The following RBAK variants were observed in gnomAD, a reference collection of about 807,000 sequenced individuals.
RBAK encodes RB-associated KRAB zinc finger protein.
Under a neutral mutation model 65.8 loss-of-function variants are expected in RBAK, and 39 were observed. The observed-to-expected ratio is 0.59, with a 90% CI of 0.46 to 0.77. RBAK has a LOEUF of 0.77. Among genes scored for constraint, RBAK ranks in the 30% least tolerant of loss-of-function variants. The probability of loss-of-function intolerance (pLI) is 0.00; values close to 1 mark genes in which losing one functional copy is unlikely to be tolerated. For missense variants in RBAK, 884 were observed against 855.1 expected, an observed-to-expected ratio of 1.03 and a Z score of -0.42; for synonymous variants, 343 against 289.7, an observed-to-expected ratio of 1.18 and a Z score of -1.87.
In RBAK at chr7:5,067,347, A is replaced by G. The variant is rs1779245393; in HGVS notation, c.*1746A>G. On this transcript the variant is annotated 3_prime_UTR_variant, in exon 5 of 5. Transcript: ENST00000396912. ...AAAGTTATGCAAAAAGCATTTTATG[A>G]TATACCAGCAAAAAACATGGAAAAT... 1 of 152,220 alleles carries G rather than the reference A, an allele frequency of 6.6e-6. No homozygotes were observed. The highest frequency in any genetic ancestry group is 2.1e-4 in the South Asian group (1 of 4,834). 9.4% of individuals were successfully genotyped at this position (152,220 alleles called of 1,614,324 possible).
In RBAK at chr7:5,068,608, A is replaced by G. The variant is rs1407351329; in HGVS notation, c.*3007A>G. ...AGGATGTAAGCAAGAGGAACTGTAC[A>G]CTACTGGTGGAATTGCTCATCGATA... On this transcript the variant is annotated 3_prime_UTR_variant, in exon 5 of 5. Coordinates refer to ENST00000396912, the MANE Select transcript of RBAK (RefSeq NM_021163.4). 2.6e-5 allele frequency: 4 copies of G among 152,246 alleles called. No homozygotes were observed. Among genetic ancestry groups the G allele is most frequent in the Admixed American group, 2.0e-4 (3 of 15,286 alleles). The allele number at this position is 152,246 out of a possible 1,614,324, so 9.4% of individuals were successfully genotyped here.
chr7:5,055,730 C>G (rs972661043), intron 2 of RBAK, among the ~76,000 whole-genome samples: 6 of 151,766 alleles, frequency 4.0e-5, no homozygotes, highest in Non-Finnish European at 8.8e-5. Context: ...GATCAGTCTT[C>G]TAACCCCTAC....
chr7:5,058,736 T>C (rs1344226098), intron 4 of RBAK, among the ~76,000 whole-genome samples: 1 of 152,230 alleles, frequency 6.6e-6, no homozygotes, highest in African/African-American at 2.4e-5. Flanking sequence ...ATAGTAGACA[T>C]TCAGGAAGTG....
At chr7:5,059,526 A>G (rs1416298673) in intron 4 of RBAK, among the ~76,000 whole-genome samples, 3 of 152,104 alleles carry the variant, frequency 2.0e-5, no homozygotes, top group Non-Finnish European at 2.9e-5. Context: ...CACACATAAC[A>G]TACAATTTAC....
intron 2 of RBAK, among the ~76,000 whole-genome samples, chr7:5,053,813 CTTGCCTG>C (rs1465737243): frequency 6.6e-6 from 1 of 152,146 alleles, no homozygotes; most frequent in Non-Finnish European, 1.5e-5. Flanking sequence ...TTTTTTACAT[CTTGCCTG>C]TCTCAATTTT....
Position 5,056,214 on chromosome 7 carries a change from C to A in RBAK, c.16-1081C>A, listed in dbSNP as rs1348608031. Among the ~76,000 whole-genome samples, 5 of 149,528 alleles carry A rather than the reference C, an allele frequency of 3.3e-5. No individual in the cohort carries two copies. The South Asian group carries it at 6.4e-4, about 19-fold the overall frequency. On this transcript the variant is annotated intron_variant, in intron 2 of 4. Coordinates refer to ENST00000396912, the MANE Select transcript of RBAK (RefSeq NM_021163.4). ...CCTTGACCTCCCAGGCTCAAGTGAT[C>A]CTCCTGCCTTAGCCTCCCAAGTAGC...
rs1487186598 is a variant in RBAK, at chr7:5,067,671, T to C, written c.*2070T>C. ...GACAGAGAGGATTGAAATTTCTAAA[T>C]ATCAAGACCTGTTATAAAGCCATAG... is the stretch of plus-strand genomic sequence containing the variant. On this transcript the variant is annotated 3_prime_UTR_variant, in exon 5 of 5. Coordinates refer to ENST00000396912, the MANE Select transcript of RBAK (RefSeq NM_021163.4). The C allele has an allele frequency of 6.6e-6, 1 of 152,148 alleles. No individual in the cohort carries two copies. Among genetic ancestry groups the C allele is most frequent in the Non-Finnish European group, 1.5e-5 (1 of 68,016 alleles). 9.4% of individuals were successfully genotyped at this position (152,148 alleles called of 1,614,324 possible).
rs1303873016 is a variant in RBAK, at chr7:5,068,377, A to C, written c.*2776A>C. ...TCTCGAATATGTAAAGAGCACCTAC[A>C]AATCAACAAGGGGGAAACTGGAAAA... On this transcript the variant is annotated 3_prime_UTR_variant, in exon 5 of 5. Coordinates refer to ENST00000396912, the MANE Select transcript of RBAK (RefSeq NM_021163.4). The C allele has an allele frequency of 6.6e-6, 1 of 152,212 alleles. No individual in the cohort carries two copies. The highest frequency in any genetic ancestry group is 1.5e-5 in the Non-Finnish European group (1 of 68,036). 9.4% of individuals were successfully genotyped at this position (152,212 alleles called of 1,614,324 possible).
chr7:5,064,084 T>C lies in RBAK; in HGVS notation c.628T>C (p.Cys210Arg). 4 of 1,613,956 alleles carry C rather than the reference T, an allele frequency of 2.5e-6. No individual in the cohort carries two copies. Among genetic ancestry groups the C allele is most frequent in the Non-Finnish European group, 3.4e-6 (4 of 1,180,006 alleles). The part of the protein sequence containing the change: ...ILEKPFEYNE[C>R]MEALDNEAVF... ...GGAGAAACCCTTTGAATATAATGAA[T>C]GCATGGAAGCCTTAGACAATGAGGC... The change falls in exon 5 of 5, where the codon TGC becomes CGC. Residue 210 changes from cysteine (C) to arginine (R), a missense_variant. By Grantham distance (180) the Cys-to-Arg change is radical. Transcript: ENST00000396912. This position sits in a 1 kb window ranked among gnomAD's most constrained non-coding sequence, Gnocchi z 6.3.
At chr7:5,061,010 G>T (rs1227587681) in intron 4 of RBAK, among the ~76,000 whole-genome samples, 1 of 152,172 alleles carries the variant, frequency 6.6e-6, no homozygotes, top group Non-Finnish European at 1.5e-5. Flanking sequence ...CCAGGAGTTT[G>T]GGAACTCTTG....
At chr7:5,063,508 T>C (rs1395317734) in intron 4 of RBAK, among the ~76,000 whole-genome samples, 187 bp from the exon 5 acceptor site, 2 of 152,040 alleles carry the variant, frequency 1.3e-5, no homozygotes, top group African/African-American at 4.8e-5. Context: ...TGTGTGTGTG[T>C]GTGTGTTTCT....
rs139036876 is a variant in RBAK, at chr7:5,064,378, C to G, written c.922C>G (p.Arg308Gly). 8.7e-6 allele frequency: 14 copies of G among 1,613,716 alleles called. No homozygotes were observed. The highest frequency in any genetic ancestry group is 1.0e-5 in the Non-Finnish European group (12 of 1,179,910). ...CCAAAAGGGAACCCTCACTGTACAT[C>G]GGAGATCACACTTAGAGGAGAAGCC... ...FSQKGTLTVH[R>G]RSHLEEKPYK... The change falls in exon 5 of 5, where the codon CGG (arginine) becomes GGG (glycine). Residue 308 changes from arginine (R) to glycine (G), a missense_variant. Arg to Gly is a moderately radical substitution (Grantham distance 125). Coordinates refer to ENST00000396912, the MANE Select transcript of RBAK (RefSeq NM_021163.4). The surrounding 1 kb of genome is among the most constrained non-coding windows in gnomAD (Gnocchi z 6.3).
Position 5,066,905 on chromosome 7 carries a change from C to T in RBAK, c.*1304C>T, listed in dbSNP as rs1583465654. Reference sequence around the variant, plus strand: ...AATGGTAATCAAATAGATTGTGTTCCAGGAATGCAAAGGTGGCTTAATATT... The same window carrying T: ...AATGGTAATCAAATAGATTGTGTTCTAGGAATGCAAAGGTGGCTTAATATT... On this transcript the variant is annotated 3_prime_UTR_variant, in exon 5 of 5. Transcript: ENST00000396912. The T allele has an allele frequency of 6.6e-6, 1 of 152,084 alleles. No individual in the cohort carries two copies. Among genetic ancestry groups the T allele is most frequent in the Non-Finnish European group, 1.5e-5 (1 of 67,978 alleles). 9.4% of individuals were successfully genotyped at this position (152,084 alleles called of 1,614,324 possible).
rs1276871553 is a variant in RBAK, at chr7:5,069,457, G to A, written c.*3856G>A. 1 of 152,164 alleles carries A rather than the reference G, an allele frequency of 6.6e-6. No individual in the cohort carries two copies. Among genetic ancestry groups the A allele is most frequent in the Non-Finnish European group, 1.5e-5 (1 of 68,032 alleles). 9.4% of individuals were successfully genotyped at this position (152,164 alleles called of 1,614,324 possible). On this transcript the variant is annotated 3_prime_UTR_variant, in exon 5 of 5. Coordinates refer to ENST00000396912, the MANE Select transcript of RBAK (RefSeq NM_021163.4). Reference sequence around the variant, plus strand: ...TCTGAGCTGCCTCTTCAATAAAGAAGCTAATGTGTAACATTTCATATTTCC... The same window carrying A: ...TCTGAGCTGCCTCTTCAATAAAGAAACTAATGTGTAACATTTCATATTTCC...
intron 4 of RBAK, among the ~76,000 whole-genome samples, chr7:5,057,999 C>T (rs186070299): frequency 1.4e-3 from 220 of 152,298 alleles, no homozygotes; most frequent in Non-Finnish European, 2.5e-3. Flanking sequence ...GACCCATTCA[C>T]TTCCTCTTTC....
At position 5,067,314 on chromosome 7, in the gene RBAK, C is replaced by T. The variant is rs896512479; in HGVS notation, c.*1713C>T. 2.0e-5 allele frequency: 3 copies of T among 151,984 alleles called. No homozygotes were observed. The highest frequency in any genetic ancestry group is 1.3e-4 in the Admixed American group (2 of 15,240). 9.4% of individuals were successfully genotyped at this position (151,984 alleles called of 1,614,324 possible). ...TGCCATGAGTAAATTTGGTAAGTTC[C>T]CTGCATAAAAGTTATGCAAAAAGCA... On this transcript the variant is annotated 3_prime_UTR_variant, in exon 5 of 5. Transcript: ENST00000396912.
At chr7:5,061,932 A>G (rs1004495624) in intron 4 of RBAK, among the ~76,000 whole-genome samples, 2 of 151,650 alleles carry the variant, frequency 1.3e-5, no homozygotes, top group Admixed American at 1.3e-4. Context: ...CTTCTGGTCT[A>G]TCTTATGTTT....
chr7:5,055,538 G>A (rs1406460893), intron 2 of RBAK, among the ~76,000 whole-genome samples: 2 of 151,690 alleles, frequency 1.3e-5, no homozygotes, highest in African/African-American at 4.8e-5. Flanking sequence ...GTGTTATAGT[G>A]GCTTATCATA....
chr7:5,048,327 C>T lies in RBAK; in HGVS notation c.15+236C>T, dbSNP rs1445694935. On this transcript the variant is annotated intron_variant, in intron 2 of 4. Transcript: ENST00000396912. The surrounding 1 kb of genome is among the most constrained non-coding windows in gnomAD (Gnocchi z 4.4). ...AGCTGGGATTACAGGCGTGCGCCAC[C>T]ATGCCCAACTAATTTTTTGTATTTT... Among the ~76,000 whole-genome samples the T allele has an allele frequency of 6.6e-6, 1 of 152,156 alleles. No homozygotes were observed. The highest frequency in any genetic ancestry group is 2.4e-5 in the African/African-American group (1 of 41,420).
Sources: gnomAD v4.1 joint callset for allele counts (sites outside exome capture counted in the v4.1 genomes callset) on GRCh38, gnomAD v4.1.1 for gene constraint, Gnocchi (gnomAD v3.1) non-coding constraint, MANE v1.5 for transcripts, NCBI Gene and HGNC (gene_info 2026-07-23, HGNC 2026-07-21) for gene names.